The following PTPRM variants were observed in gnomAD, a reference collection of about 807,000 sequenced individuals.
PTPRM encodes the protein receptor-type tyrosine-protein phosphatase mu.
A neutral mutation model predicts 186.7 loss-of-function variants in PTPRM; 47 were observed. The observed-to-expected ratio is 0.25, with a 90% CI of 0.20 to 0.32. The LOEUF (loss-of-function observed/expected upper bound fraction) is 0.32, where lower values mean the gene tolerates loss of function less well. PTPRM is among the 10% of genes least tolerant of loss of function. The probability of loss-of-function intolerance (pLI) is 1.00; values close to 1 mark genes in which losing one functional copy is unlikely to be tolerated. For synonymous variants in PTPRM, 668 were observed against 674.9 expected (o/e 0.99, Z 0.16); for missense variants, 1,494 against 1,865.0 (o/e 0.80, Z 3.66).
intron 14 of PTPRM, among the ~76,000 whole-genome samples, chr18:8,206,539 C>T (rs1442611654): frequency 2.0e-5 from 3 of 152,218 alleles, no homozygotes; most frequent in Non-Finnish European, 1.5e-5. Flanking sequence ...TGAACCACCG[C>T]GCCTGGCCCT....
intron 7 of PTPRM, among the ~76,000 whole-genome samples, chr18:7,962,564 T>A (rs1365130862): frequency 6.6e-6 from 1 of 152,212 alleles, no homozygotes; most frequent in Non-Finnish European, 1.5e-5. Context: ...GTGATTCGTT[T>A]TAAATATATC....
At chr18:7,726,925 A>G (rs150002173) in intron 1 of PTPRM, among the ~76,000 whole-genome samples, 21 of 152,362 alleles carry the variant, frequency 1.4e-4, no homozygotes, top group African/African-American at 5.0e-4. Flanking sequence ...AGTGAAAAAT[A>G]GAGGATATCA....
At chr18:7,701,953 GT>G (rs1267510810) in intron 1 of PTPRM, among the ~76,000 whole-genome samples, 1 of 151,978 alleles carries the variant, frequency 6.6e-6, no homozygotes, top group Non-Finnish European at 1.5e-5. Flanking sequence ...GTGGTGTTTG[GT>G]TTTCTGTTCT....
intron 3 of PTPRM, among the ~76,000 whole-genome samples, chr18:7,891,589 G>C (rs114437749): frequency 7.2e-5 from 11 of 152,114 alleles, no homozygotes; most frequent in Non-Finnish European, 1.5e-4. Context: ...GTGGGTGGCC[G>C]GGCGCAATGG....
chr18:8,096,455 C>T (rs575239449), intron 11 of PTPRM, among the ~76,000 whole-genome samples: 109 of 152,246 alleles, frequency 7.2e-4, no homozygotes, highest in African/African-American at 2.6e-3. Flanking sequence ...AGAAGCCATT[C>T]GGCAGGAAGG....
chr18:8,337,770 G>A (rs1259599164), intron 22 of PTPRM, among the ~76,000 whole-genome samples: 3 of 152,196 alleles, frequency 2.0e-5, no homozygotes, highest in Non-Finnish European at 2.9e-5. Context: ...GGGGGGTCTT[G>A]CGGGAGGACG....
At chr18:8,275,191 C>T (rs531386912) in intron 19 of PTPRM, among the ~76,000 whole-genome samples, 59 of 152,258 alleles carry the variant, frequency 3.9e-4, no homozygotes, top group Middle Eastern at 3.4e-3. Context: ...GTAATCTTAG[C>T]ACTTTGGGAG....
At chr18:7,830,995 A>G (rs926968025) in intron 2 of PTPRM, among the ~76,000 whole-genome samples, 1 of 152,206 alleles carries the variant, frequency 6.6e-6, no homozygotes, top group South Asian at 2.1e-4. Flanking sequence ...GAGGGCAGTG[A>G]GAAGATTTGT....
chr18:8,308,285 A>G lies in PTPRM; in HGVS notation c.2843-6496A>G, dbSNP rs2095241938. ...AGAAATCACCTAATTGGCTACAGCT[A>G]GGCATCTGCCTTATTTGAGCATGGT... On this transcript the variant is annotated intron_variant, in intron 20 of 32. Transcript: ENST00000580170. 1.3e-5 allele frequency among the ~76,000 whole-genome samples: 2 copies of G among 152,222 alleles called. 1 individual carries two copies. The highest frequency in any genetic ancestry group is 4.8e-5 in the African/African-American group (2 of 41,466).
Position 8,110,197 on chromosome 18 carries a change from CCTT to C in PTPRM, c.1857-3281_1857-3279del, listed in dbSNP as rs1459814652. ...GACACAACAGTGACTAAACCTTTGC[CCTT>C]CTTCTTCAGAAGCTTGTAGGACTTT... On this transcript the variant is annotated intron_variant, in intron 11 of 32. Coordinates refer to ENST00000580170, the MANE Select transcript of PTPRM (RefSeq NM_001105244.2). 3.3e-5 allele frequency among the ~76,000 whole-genome samples: 5 copies of C among 152,240 alleles called. No homozygotes were observed. In the East Asian group the frequency reaches 9.7e-4, roughly 29 times the overall value.
At chr18:8,183,851 G>A (rs909656919) in intron 14 of PTPRM, among the ~76,000 whole-genome samples, 13 of 152,150 alleles carry the variant, frequency 8.5e-5, no homozygotes, top group African/African-American at 2.9e-4. Context: ...AGGTGGAACC[G>A]GCCTGCCACT....
At chr18:8,182,336 A>G (rs886804930) in intron 14 of PTPRM, among the ~76,000 whole-genome samples, 3 of 152,146 alleles carry the variant, frequency 2.0e-5, no homozygotes, top group Non-Finnish European at 4.4e-5. Flanking sequence ...ATAGTATCCA[A>G]TAGGTAGTTT....
chr18:7,851,747 G>T (rs941371793), intron 2 of PTPRM, among the ~76,000 whole-genome samples: 6 of 152,184 alleles, frequency 3.9e-5, no homozygotes, highest in African/African-American at 1.4e-4. Flanking sequence ...AAGCATGATC[G>T]TGCAGGGAAT....
At chr18:8,360,551 G>C (rs1283236484) in intron 23 of PTPRM, among the ~76,000 whole-genome samples, 1 of 152,178 alleles carries the variant, frequency 6.6e-6, no homozygotes, top group African/African-American at 2.4e-5. Context: ...AAGTGGACTG[G>C]TCACCTTGGC....
At chr18:7,871,439 A>G (rs2047979800) in intron 2 of PTPRM, among the ~76,000 whole-genome samples, 1 of 152,194 alleles carries the variant, frequency 6.6e-6, no homozygotes, top group Non-Finnish European at 1.5e-5. Flanking sequence ...TGTCTGACAT[A>G]GCAATTACAA....
At chr18:8,206,462 A>G (rs2146906607) in intron 14 of PTPRM, among the ~76,000 whole-genome samples, 1 of 152,058 alleles carries the variant, frequency 6.6e-6, no homozygotes, top group African/African-American at 2.4e-5. Context: ...GTTAGCCAGA[A>G]TGGTCTCGAT....
At chr18:8,040,050 AAAGAAGT>A (rs1488238276) in intron 7 of PTPRM, among the ~76,000 whole-genome samples, 1 of 152,244 alleles carries the variant, frequency 6.6e-6, no homozygotes, top group Non-Finnish European at 1.5e-5. Context: ...TGGCTTTACC[AAAGAAGT>A]AGTCATTTTA....
intron 1 of PTPRM, among the ~76,000 whole-genome samples, chr18:7,697,414 A>T (rs2039868899): frequency 6.6e-6 from 1 of 152,198 alleles, no homozygotes; most frequent in South Asian, 2.1e-4. Context: ...ACAAACAAAC[A>T]AGATATCAGA....
chr18:7,718,450 A>T (rs1290869853), intron 1 of PTPRM, among the ~76,000 whole-genome samples: 1 of 152,250 alleles, frequency 6.6e-6, no homozygotes, highest in Non-Finnish European at 1.5e-5. Context: ...ACCTGAAACC[A>T]TAAGCATTCT....
Sources: gnomAD v4.1 joint callset for allele counts (sites outside exome capture counted in the v4.1 genomes callset) on GRCh38, gnomAD v4.1.1 for gene constraint, MANE v1.5 for transcripts, NCBI Gene and HGNC (gene_info 2026-07-23, HGNC 2026-07-21) for gene names.